Variants in FOXP1 observed in about 807,000 individuals in gnomAD.
The protein encoded by FOXP1 is forkhead box protein P1.
FOXP1 carries 15 observed loss-of-function variants against 98.2 expected under a neutral mutation model. The observed-to-expected ratio is 0.15, with a 90% confidence interval of 0.10 to 0.24. The LOEUF (loss-of-function observed/expected upper bound fraction) is 0.24, where lower values mean the gene tolerates loss of function less well. Ranked by LOEUF, FOXP1 falls within the 10% of genes least tolerant of loss-of-function variation. The probability of loss-of-function intolerance (pLI) is 1.00; values close to 1 mark genes in which losing one functional copy is unlikely to be tolerated. For synonymous variants in FOXP1, 371 were observed against 314.5 expected (o/e 1.18, Z -1.90); for missense variants, 633 against 848.5 (o/e 0.75, Z 3.15).
chr3:70,983,624 T>G (rs1486673885), intron 14 of FOXP1, among the ~76,000 whole-genome samples: 1 of 152,210 alleles, frequency 6.6e-6, no homozygotes, highest in East Asian at 1.9e-4. Context: ...CCACCTACAC[T>G]GTAATTACGT....
intron 4 of FOXP1, among the ~76,000 whole-genome samples, chr3:71,344,811 G>GA (rs373870596): frequency 6.6e-6 from 1 of 150,414 alleles, no homozygotes; most frequent in Non-Finnish European, 1.5e-5. Context: ...CCAGCCTGGG[G>GA]GAAAGAGCGA....
At chr3:70,990,608 G>A (rs949262057) in intron 13 of FOXP1, among the ~76,000 whole-genome samples, 6 of 152,116 alleles carry the variant, frequency 3.9e-5, no homozygotes, top group African/African-American at 1.2e-4. Context: ...CATTCAATCC[G>A]AAGGCCCACT....
chr3:71,379,110 T>C (rs1404905404), intron 3 of FOXP1, among the ~76,000 whole-genome samples: 3 of 152,196 alleles, frequency 2.0e-5, no homozygotes, highest in Non-Finnish European at 4.4e-5. Context: ...TTGGTGGTTT[T>C]TAGTTAATGT....
chr3:71,394,332 A>G (rs1472009210), intron 3 of FOXP1, among the ~76,000 whole-genome samples: 1 of 152,200 alleles, frequency 6.6e-6, no homozygotes, highest in Non-Finnish European at 1.5e-5. Flanking sequence ...TGGACAAAAA[A>G]TCTAGAAGAA....
At chr3:71,348,563 A>G (rs541542118) in intron 4 of FOXP1, among the ~76,000 whole-genome samples, 3,172 of 138,160 alleles carry the variant, frequency 0.023, 115 homozygotes, top group African/African-American at 0.075. Context: ...GCGCGCGCGC[A>G]CGCATATGCA....
intron 2 of FOXP1, among the ~76,000 whole-genome samples, chr3:71,558,099 CTGTAT>C (rs2046270194): frequency 6.6e-6 from 1 of 152,090 alleles, no homozygotes; most frequent in Non-Finnish European, 1.5e-5. Flanking sequence ...CCCAGCAAAC[CTGTAT>C]TTCTTTAAGA....
At chr3:71,351,868 A>T (rs1048865144) in intron 4 of FOXP1, among the ~76,000 whole-genome samples, 1 of 152,238 alleles carries the variant, frequency 6.6e-6, no homozygotes, top group African/African-American at 2.4e-5. Context: ...TGACTCAAAG[A>T]TCTAGAGAAA....
intron 7 of FOXP1, among the ~76,000 whole-genome samples, chr3:71,056,270 A>G (rs2050626227): frequency 6.6e-6 from 1 of 152,240 alleles, no homozygotes; most frequent in South Asian, 2.1e-4. Context: ...TAAAGGAGAA[A>G]CAACATTGTC....
intron 3 of FOXP1, among the ~76,000 whole-genome samples, chr3:71,442,918 G>A (rs564963782): frequency 1.3e-5 from 2 of 151,748 alleles, no homozygotes; most frequent in Non-Finnish European, 2.9e-5. Context: ...ACATAGTCTC[G>A]CTCTGTCACC....
chr3:71,413,290 A>ACACACACACACCCC (rs371166757), intron 3 of FOXP1, among the ~76,000 whole-genome samples: 4 of 138,524 alleles, frequency 2.9e-5, no homozygotes, highest in Admixed American at 7.5e-5. Context: ...ACACACACAC[A>ACACACACACACCCC]CCCAAAACAG....
intron 5 of FOXP1, among the ~76,000 whole-genome samples, chr3:71,281,942 C>CAAAAAAAAAAA (rs34561352): frequency 2.9e-5 from 4 of 137,732 alleles, no homozygotes; most frequent in Non-Finnish European, 1.6e-5. Flanking sequence ...ACTAAAAATA[C>CAAAAAAAAAAA]AAAAAAAAAA....
chr3:71,050,794 C>T (rs1321488288), intron 9 of FOXP1, among the ~76,000 whole-genome samples: 1 of 152,148 alleles, frequency 6.6e-6, no homozygotes, highest in Admixed American at 6.5e-5. Flanking sequence ...TGAAACAGGC[C>T]TGTCATGTTG....
chr3:71,559,764 T>G (rs1404744898), intron 2 of FOXP1, among the ~76,000 whole-genome samples: 1 of 152,122 alleles, frequency 6.6e-6, no homozygotes, highest in African/African-American at 2.4e-5. Context: ...GGAGGATCAC[T>G]TGAGCCTGGG....
chr3:71,410,370 G>A (rs1228554478), intron 3 of FOXP1, among the ~76,000 whole-genome samples: 1 of 152,124 alleles, frequency 6.6e-6, no homozygotes, highest in African/African-American at 2.4e-5. Context: ...GAGCTAGTTA[G>A]TTGCAACATT....
chr3:71,474,134 G>A (rs56310245), intron 3 of FOXP1, among the ~76,000 whole-genome samples: 52,793 of 151,828 alleles, frequency 0.35, 9,600 homozygotes, highest in Non-Finnish European at 0.38. Context: ...AAGACTAGAA[G>A]GAAATACACT....
intron 1 of FOXP1, 39 bp from the exon 2 acceptor site, chr3:71,581,736 C>T (rs541758994): frequency 1.0e-6 from 1 of 985,770 alleles, no homozygotes; most frequent in Non-Finnish European, 1.2e-6. Flanking sequence ...CTCAGCAAGT[C>T]TTCCCCGTGC....
intron 3 of FOXP1, among the ~76,000 whole-genome samples, chr3:71,397,032 ATG>A (rs577323351): frequency 2.3e-5 from 1 of 44,396 alleles, no homozygotes; most frequent in Admixed American, 2.3e-4. Flanking sequence ...ATACATATAT[ATG>A]TGTATATATA....
chr3:71,175,955 A>T (rs548511591), intron 6 of FOXP1, among the ~76,000 whole-genome samples: 1 of 152,340 alleles, frequency 6.6e-6, no homozygotes, highest in African/African-American at 2.4e-5. Context: ...TTCTCAACAG[A>T]GCTAATCACT....
chr3:71,065,193 G>A (rs924273195), intron 7 of FOXP1, among the ~76,000 whole-genome samples: 1 of 151,438 alleles, frequency 6.6e-6, no homozygotes, highest in African/African-American at 2.4e-5. Flanking sequence ...CCGGTGACCC[G>A]CCTCCGGCTG....
Sources: gnomAD v4.1 joint callset for allele counts (sites outside exome capture counted in the v4.1 genomes callset) on GRCh38, gnomAD v4.1.1 for gene constraint, MANE v1.5 for transcripts, NCBI Gene and HGNC (gene_info 2026-07-23, HGNC 2026-07-21) for gene names.